CUBN: variants seen among roughly 807,000 people sequenced by gnomAD.
CUBN encodes 460 kDa receptor.
Under a neutral mutation model 405.3 loss-of-function variants are expected in CUBN, and 282 were observed. That is an observed-to-expected ratio of 0.70 (90% CI 0.63 to 0.77). The LOEUF (loss-of-function observed/expected upper bound fraction) is 0.77. Ranked by LOEUF, CUBN falls within the 30% of genes least tolerant of loss-of-function variation. CUBN has a pLI of 0.00. For synonymous variants in CUBN, 1,684 were observed against 1,617.0 expected (o/e 1.04, Z -0.99); for missense variants, 4,514 against 4,475.2 (o/e 1.01, Z -0.25).
chr10:16,916,563 T>C (rs1253195952), intron 45 of CUBN, among the ~76,000 whole-genome samples: 2 of 152,210 alleles, frequency 1.3e-5, no homozygotes, highest in African/African-American at 2.4e-5. Context: ...CTGGGTGTGA[T>C]AGCTAATTGA....
intron 62 of CUBN, 97 bp from the exon 63 acceptor site, chr10:16,836,479 AT>A (rs1256559824): frequency 1.3e-5 from 16 of 1,208,452 alleles, no homozygotes; most frequent in Admixed American, 6.8e-5. Context: ...TGGTGTAAAT[AT>A]TTAGCCATGG....
chr10:17,102,583 G>A (rs917072788), intron 13 of CUBN, among the ~76,000 whole-genome samples: 3 of 146,068 alleles, frequency 2.1e-5, no homozygotes, highest in East Asian at 2.0e-4. Context: ...CACCAGGCCT[G>A]GCCTTGTTAC....
rs754764570 is a variant in CUBN at position 17,088,272 on chromosome 10, T to C, written c.1839A>G (p.Gly613=). Residue 613 remains glycine (G), a synonymous_variant, in exon 15 of 67, where the codon GGA becomes GGG. Coordinates refer to ENST00000377833, the MANE Select transcript of CUBN (RefSeq NM_001081.4). ...SPGYPGNYPP[G]RDCVWIVVTS... ...TTACAACAATCCAGACACAATCTCT[T>C]CCTGGGGGATAGTTTCCAGGATACC... is the stretch of plus-strand genomic sequence containing the variant. The C allele has an allele frequency of 1.9e-6, 3 of 1,613,642 alleles. No individual in the cohort carries two copies. Among genetic ancestry groups the C allele is most frequent in the East Asian group, 2.2e-5 (1 of 44,886 alleles).
intron 59 of CUBN, among the ~76,000 whole-genome samples, chr10:16,867,279 AGGCAAAAGGG>A (rs1840214524): frequency 6.6e-6 from 1 of 151,598 alleles, no homozygotes; most frequent in Non-Finnish European, 1.5e-5. Context: ...AATGAGTTGG[AGGCAAAAGGG>A]GCATCCTATT....
intron 28 of CUBN, among the ~76,000 whole-genome samples, chr10:16,997,663 C>T (rs1250443712): frequency 6.6e-6 from 1 of 152,120 alleles, no homozygotes; most frequent in Non-Finnish European, 1.5e-5. Context: ...GGATTTTGAA[C>T]AGAAACTTTC....
rs201018798 is a variant in CUBN at position 16,913,915 on chromosome 10, T to C, written c.7429A>G (p.Ile2477Val). The change falls in exon 48 of 67, where the codon ATC (isoleucine) becomes GTC (valine). Residue 2477 changes from isoleucine (I) to valine (V), a missense_variant. This residue lies in a region of CUBN where 1,613 missense variants were observed against 1,542.8 expected (regional missense o/e 1.05). Coordinates refer to ENST00000377833, the MANE Select transcript of CUBN (RefSeq NM_001081.4). ...GGGGCAGTGATTCTCCACTCGCAGA[T>C]CCGGCCATGAGGATTTGGGTTCGGG... is the stretch of plus-strand genomic sequence containing the variant. ...NYPNPNPHGRICEWRITAPEG... is the reference protein window; with the variant it reads ...NYPNPNPHGRVCEWRITAPEG... 7.1e-5 allele frequency: 114 copies of C among 1,613,970 alleles called. No homozygotes were observed. Among genetic ancestry groups the C allele is most frequent in the Non-Finnish European group, 9.2e-5 (108 of 1,180,022 alleles).
chr10:16,930,697 A>G (rs951666185), intron 40 of CUBN, among the ~76,000 whole-genome samples: 1 of 152,180 alleles, frequency 6.6e-6, no homozygotes, highest in African/African-American at 2.4e-5. Context: ...TGGCAACTCT[A>G]TAAAATGAAT....
intron 54 of CUBN, 133 bp from the exon 55 acceptor site, chr10:16,890,660 C>T: frequency 1.1e-6 from 1 of 887,518 alleles, no homozygotes; most frequent in Non-Finnish European, 1.9e-6. Context: ...ATGGACAAAT[C>T]TGTAGTATTT....
chr10:16,913,918 G>A lies in CUBN; in HGVS notation c.7426C>T (p.Arg2476Trp), dbSNP rs774063108. The change falls in exon 48 of 67, where the codon CGG becomes TGG. Residue 2476 changes from arginine to tryptophan, a missense_variant. Around this residue, in one of 5 missense-constraint regions of CUBN, gnomAD observed 1,613 missense variants for 1,542.8 expected, o/e 1.05. Coordinates refer to ENST00000377833, the MANE Select transcript of CUBN (RefSeq NM_001081.4). The part of the protein sequence containing the change: ...PNYPNPNPHG[R>W]ICEWRITAPE... ...GCAGTGATTCTCCACTCGCAGATCC[G>A]GCCATGAGGATTTGGGTTCGGGTAG... 43 of 1,613,920 alleles carry A rather than the reference G, an allele frequency of 2.7e-5. No individual in the cohort carries two copies. The highest frequency in any genetic ancestry group is 6.7e-5 in the African/African-American group (5 of 74,860).
intron 40 of CUBN, among the ~76,000 whole-genome samples, chr10:16,928,646 C>T (rs1842279186): frequency 6.6e-6 from 1 of 151,488 alleles, no homozygotes; most frequent in South Asian, 2.1e-4. Context: ...TCTCCTGCCT[C>T]AGCCTCCTGA....
chr10:17,096,980 A>G (rs1453483984), intron 14 of CUBN, among the ~76,000 whole-genome samples: 1 of 152,146 alleles, frequency 6.6e-6, no homozygotes, highest in Admixed American at 6.6e-5. Flanking sequence ...TGCATATATT[A>G]GAAATTCTAA....
chr10:16,985,439 C>A (rs899000228), intron 29 of CUBN, among the ~76,000 whole-genome samples: 6 of 152,206 alleles, frequency 3.9e-5, no homozygotes, highest in African/African-American at 1.4e-4. Context: ...ATGACAGCTA[C>A]CTCCATCGCC....
At chr10:16,872,357 T>TATATATATATATATAG (rs980619583) in intron 58 of CUBN, among the ~76,000 whole-genome samples, 39 of 151,376 alleles carry the variant, frequency 2.6e-4, no homozygotes, top group Admixed American at 1.3e-3. Flanking sequence ...TACATATATA[T>TATATATATATATATAG]ATAGATAGAT....
At chr10:16,859,637 A>C (rs903289844) in intron 59 of CUBN, among the ~76,000 whole-genome samples, 2 of 152,212 alleles carry the variant, frequency 1.3e-5, no homozygotes, top group Non-Finnish European at 2.9e-5. Flanking sequence ...AGAATCCCAC[A>C]GAATTTAAGA....
chr10:16,896,387 A>T (rs1841184760), intron 54 of CUBN, among the ~76,000 whole-genome samples: 1 of 152,122 alleles, frequency 6.6e-6, no homozygotes, highest in Non-Finnish European at 1.5e-5. Flanking sequence ...CCTTCATATG[A>T]GAAGTTTTTA....
intron 22 of CUBN, among the ~76,000 whole-genome samples, chr10:17,052,566 G>C (rs1239750724): frequency 2.6e-5 from 4 of 151,638 alleles, no homozygotes; most frequent in Non-Finnish European, 1.5e-5. Flanking sequence ...AGACCAGCCT[G>C]GCCAACATGG....
chr10:16,948,191 C>G (rs1342590492), intron 35 of CUBN, among the ~76,000 whole-genome samples: 1 of 152,156 alleles, frequency 6.6e-6, no homozygotes, highest in Admixed American at 6.5e-5. Context: ...CCTGGGCGAC[C>G]AAGTGAGACT....
chr10:17,040,994 C>G (rs758141866), intron 27 of CUBN, 39 bp downstream of exon 27: 39 of 1,575,956 alleles, frequency 2.5e-5, no homozygotes, highest in Non-Finnish European at 3.1e-5. Context: ...CTCCCTTGAT[C>G]TGAAAAAGCA....
chr10:16,982,529 C>T lies in CUBN; in HGVS notation c.4650G>A (p.Leu1550=). The change falls in exon 31 of 67, where the codon TTG becomes TTA. Residue 1550 remains leucine (L), a synonymous_variant. Coordinates refer to ENST00000377833, the MANE Select transcript of CUBN (RefSeq NM_001081.4). Reference sequence around the variant, plus strand: ...GTTCAAGATCAAAGTCAGTGAAGTTCAAGAGAACACGATGATTTCTGTCAA... The same window carrying T: ...GTTCAAGATCAAAGTCAGTGAAGTTTAAGAGAACACGATGATTTCTGTCAA... ...IRVDRNHRVL[L]NFTDFDLEPQ... is the part of the protein sequence containing the mutation. The T allele has an allele frequency of 8.1e-6, 13 of 1,613,776 alleles. No homozygotes were observed. Among genetic ancestry groups the T allele is most frequent in the Non-Finnish European group, 1.0e-5 (12 of 1,179,758 alleles).
Sources: allele counts gnomAD v4.1 joint callset (sites outside exome capture counted in the v4.1 genomes callset), GRCh38; gene constraint gnomAD v4.1.1; regional missense constraint gnomAD v4.1.1; transcripts MANE v1.5; gene names NCBI Gene and HGNC (gene_info 2026-07-23, HGNC 2026-07-21).